The following CCDC14 variants were observed in gnomAD, a reference collection of about 807,000 sequenced individuals.
CCDC14 encodes the protein coiled-coil domain containing 14.
Under a neutral mutation model 81.4 loss-of-function variants are expected in CCDC14, and 71 were observed. That is an observed-to-expected ratio of 0.87 (90% CI 0.72 to 1.06). The LOEUF is 1.06. CCDC14 is among the 50% of genes least tolerant of loss of function. CCDC14 has a pLI of 0.00. For synonymous variants in CCDC14, 332 were observed against 364.8 expected (o/e 0.91, Z 1.03); for missense variants, 1,046 against 1,047.3 (o/e 1.00, Z 0.02).
At chr3:123,913,056 C>T (rs897100915), downstream of CCDC14, among the ~76,000 whole-genome samples, 22 of 152,226 alleles carry the variant, frequency 1.4e-4, no homozygotes, top group African/African-American at 5.3e-4. Flanking sequence ...TCCTCCTCTA[C>T]TCTTGGCTTC....
chr3:123,915,132 C>G lies in CCDC14; in HGVS notation c.2365G>C (p.Glu789Gln). ...AGTTTTTCAGGTGCATCTTCTGCTT[C>G]CTTTGTTGAAGAGGAACAGATTACA... ...TPVICSSSTK[E>Q]AEDAPEKLSR... is the part of the protein sequence containing the mutation. The change falls in exon 13 of 13, where the codon GAA becomes CAA. Residue 789 changes from glutamate to glutamine, a missense_variant. Coordinates refer to ENST00000409697, the MANE Select transcript of CCDC14 (RefSeq NM_001366335.1). 1 of 1,613,846 alleles carries G rather than the reference C, an allele frequency of 6.2e-7. No homozygotes were observed. Among genetic ancestry groups the G allele is most frequent in the South Asian group, 1.1e-5 (1 of 91,054 alleles).
At chr3:123,953,746 T>G (rs2037168620) in intron 5 of CCDC14, 1 of 152,198 alleles carries the variant, frequency 6.6e-6, no homozygotes, top group Non-Finnish European at 1.5e-5. Context: ...CTTCGTCATT[T>G]CAATGAAGCT....
the CCDC14 span, among the ~76,000 whole-genome samples, chr3:123,891,703 C>A: frequency 2.0e-5 from 3 of 152,256 alleles, no homozygotes; most frequent in Non-Finnish European, 2.9e-5. Flanking sequence ...GAGTTCCAAA[C>A]TTTCCCACAT....
At position 123,924,368 on chromosome 3, in the gene CCDC14, A is replaced by G. The variant is rs2035236132; in HGVS notation, c.1778+6734T>C. ...AAACATGAGGGAAAAGCTCCATGAC[A>G]CTGGTCCAGGCAATAATTTTTTAGA... On this transcript the variant is annotated intron_variant, in intron 12 of 12. Coordinates refer to ENST00000409697, the MANE Select transcript of CCDC14 (RefSeq NM_001366335.1). 2.0e-5 allele frequency among the ~76,000 whole-genome samples: 3 copies of G among 152,178 alleles called. No individual in the cohort carries two copies. In the South Asian group the frequency reaches 6.2e-4, roughly 31 times the overall value.
At chr3:123,928,586 A>G (rs572018983) in intron 12 of CCDC14, among the ~76,000 whole-genome samples, 2 of 152,304 alleles carry the variant, frequency 1.3e-5, no homozygotes, top group East Asian at 3.9e-4. Flanking sequence ...TCACTTGTCA[A>G]TGTGGATATT....
At chr3:123,956,190 T>A (rs1325159401) in intron 3 of CCDC14, 75 bp from the exon 4 acceptor site, 2 of 1,394,986 alleles carry the variant, frequency 1.4e-6, no homozygotes, top group African/African-American at 2.9e-5. Context: ...ATTATGTAGT[T>A]TTAAAATTTG....
chr3:123,892,691 G>A (rs1418584910), downstream of CCDC14, among the ~76,000 whole-genome samples: 2 of 143,710 alleles, frequency 1.4e-5, no homozygotes, highest in African/African-American at 5.1e-5. Flanking sequence ...CCTCCAATTC[G>A]ACATGAGATT....
downstream of CCDC14, among the ~76,000 whole-genome samples, chr3:123,896,322 C>A (rs1559752067): frequency 6.6e-6 from 1 of 152,054 alleles, no homozygotes; most frequent in Non-Finnish European, 1.5e-5. Flanking sequence ...CAGATGAAGC[C>A]CCTTGACCTT....
intron 5 of CCDC14, among the ~76,000 whole-genome samples, chr3:123,898,176 A>G (rs1461940102): frequency 1.3e-5 from 2 of 152,200 alleles, no homozygotes; most frequent in East Asian, 3.9e-4. Flanking sequence ...CAAGTGACTT[A>G]ATTTCTTCTG....
chr3:123,902,808 A>T (rs1243031261), intron 5 of CCDC14, among the ~76,000 whole-genome samples: 1 of 151,998 alleles, frequency 6.6e-6, no homozygotes, highest in East Asian at 1.9e-4. Flanking sequence ...TATCTTTTTA[A>T]AAAATTTTTT....
At chr3:123,887,851 T>C in the CCDC14 span, among the ~76,000 whole-genome samples, 2 of 152,216 alleles carry the variant, frequency 1.3e-5, no homozygotes, top group African/African-American at 4.8e-5. Flanking sequence ...TGGAGACTTC[T>C]ATTATCTGCA....
downstream of CCDC14, among the ~76,000 whole-genome samples, chr3:123,908,645 G>T (rs1048287831): frequency 5.9e-5 from 9 of 151,962 alleles, no homozygotes; most frequent in African/African-American, 2.2e-4. Flanking sequence ...ACCCTTTCTG[G>T]GTATGTTAGG....
In CCDC14 at chr3:123,915,027, T is replaced by C; in HGVS notation, c.2470A>G (p.Lys824Glu). The C allele has an allele frequency of 6.2e-7, 1 of 1,614,044 alleles. No homozygotes were observed. Among genetic ancestry groups the C allele is most frequent in the Non-Finnish European group, 8.5e-7 (1 of 1,179,884 alleles). Residue 824 changes from lysine (K) to glutamate (E), a missense_variant, in exon 13 of 13, where the codon AAG becomes GAG. Coordinates refer to ENST00000409697, the MANE Select transcript of CCDC14 (RefSeq NM_001366335.1). ...CATGCAGTTTGTTCCTCTGGCTCCT[T>C]GGTGGCAGCAGGGATCTTACCAATT... is the stretch of plus-strand genomic sequence containing the variant. The part of the protein sequence containing the change: ...EAIGKIPAAT[K>E]EPEEQTACHG...
At chr3:123,928,708 G>A (rs577135468) in intron 12 of CCDC14, among the ~76,000 whole-genome samples, 23 of 152,164 alleles carry the variant, frequency 1.5e-4, no homozygotes, top group Non-Finnish European at 3.2e-4. Flanking sequence ...CCATTCATCC[G>A]TCTACCTCCC....
In CCDC14 at chr3:123,913,532, T is replaced by C; in HGVS notation, c.*1247A>G. 1.0e-6 allele frequency: 1 copy of C among 981,130 alleles called. No individual in the cohort carries two copies. The highest frequency in any genetic ancestry group is 1.2e-6 in the Non-Finnish European group (1 of 826,168). The allele number at this position is 981,130 out of a possible 1,614,324, so 60.8% of individuals were successfully genotyped here. A position where few individuals can be genotyped will look rare whatever the true frequency, so the allele number is the denominator to read the frequency against. On this transcript the variant is annotated 3_prime_UTR_variant, in exon 13 of 13. Coordinates refer to ENST00000409697, the MANE Select transcript of CCDC14 (RefSeq NM_001366335.1). The stretch of plus-strand genomic sequence containing the variant: ...ATTAATTCATGAATACTAAATAAAA[T>C]TAAAGATGCTAATGGACTCTTGTGT...
intron 5 of CCDC14, chr3:123,952,557 T>C (rs754331169): frequency 1.9e-6 from 1 of 515,448 alleles, no homozygotes; most frequent in Non-Finnish European, 4.1e-6. Context: ...AGGGCTTCTC[T>C]GCCTCCTTAG....
intron 5 of CCDC14, among the ~76,000 whole-genome samples, chr3:123,900,524 G>T (rs1196099232): frequency 6.6e-6 from 1 of 152,204 alleles, no homozygotes; most frequent in Non-Finnish European, 1.5e-5. Context: ...GGTAATGTGA[G>T]AGGGAGCCTT....
chr3:123,948,937 T>C lies in CCDC14; in HGVS notation c.548A>G (p.Asn183Ser), dbSNP rs1266699456. ...MNDLTSKNIP[N>S]GIPAVPCHAP... ...ATGGCATGGTACAGCAGGAATTCCA[T>C]TAGGGATGTTCTTTGAAGTCAAGTC... Residue 183 changes from asparagine (N) to serine (S), a missense_variant, in exon 6 of 13, where the codon AAT becomes AGT. Transcript: ENST00000409697. 2 of 1,613,950 alleles carry C rather than the reference T, an allele frequency of 1.2e-6. No homozygotes were observed. Among genetic ancestry groups the C allele is most frequent in the Non-Finnish European group, 1.7e-6 (2 of 1,179,836 alleles).
rs901127206 is a variant in CCDC14 at position 123,907,268 on chromosome 3, T to G, written c.668-9655A>C. Among the ~76,000 whole-genome samples the G allele has an allele frequency of 2.0e-5, 3 of 152,324 alleles. No homozygotes were observed. The South Asian group carries it at 6.2e-4, about 32-fold the overall frequency. ...GCAAGCTTGTAAGGAGGACTGGAAT[T>G]TTCCTTAATATTTAGAGTTTTATGC... is the stretch of plus-strand genomic sequence containing the variant. On this transcript the variant is annotated intron_variant, in intron 5 of 5. Coordinates refer to the CCDC14 transcript ENST00000479903.
Sources: allele counts gnomAD v4.1 joint callset (sites outside exome capture counted in the v4.1 genomes callset), GRCh38; gene constraint gnomAD v4.1.1; transcripts MANE v1.5; gene names NCBI Gene and HGNC (gene_info 2026-07-23, HGNC 2026-07-21).